ADAMTS12: variants seen among roughly 807,000 people sequenced by gnomAD.
The protein encoded by ADAMTS12 is A disintegrin and metalloproteinase with thrombospondin motifs 12.
In ADAMTS12, 118 loss-of-function variants were observed where a neutral mutation model predicts 167.8. The observed-to-expected ratio is 0.70, with a 90% CI of 0.61 to 0.82. The LOEUF is 0.82. ADAMTS12 is among the 40% of genes least tolerant of loss of function. The pLI, the probability that ADAMTS12 is intolerant of heterozygous loss-of-function variation, is 0.00. For missense variants in ADAMTS12, 1,916 were observed against 1,998.8 expected, an observed-to-expected ratio of 0.96 and a Z score of 0.79; for synonymous variants, 704 against 716.9, an observed-to-expected ratio of 0.98 and a Z score of 0.29.
At chr5:33,565,700 A>G (rs1179625248) in intron 19 of ADAMTS12, among the ~76,000 whole-genome samples, 13 of 138,146 alleles carry the variant, frequency 9.4e-5, no homozygotes, top group Non-Finnish European at 1.8e-4. Flanking sequence ...TTGGTGAGCT[A>G]TAATGTGTTC....
At position 33,576,720 on chromosome 5, in the gene ADAMTS12, A is replaced by T; in HGVS notation, c.3306T>A (p.Ser1102Arg). 1 of 1,614,174 alleles carries T rather than the reference A, an allele frequency of 6.2e-7. No individual in the cohort carries two copies. ...LTSQSLSIQP[S>R]EENVSSSDTG... ...TATCTGAACTGGAAACATTTTCCTC[A>T]CTTGGCTGAATGCTCAAGGATTGGG... Residue 1102 changes from serine to arginine, a missense_variant, in exon 19 of 24, where the codon AGT becomes AGA. Physicochemically the swap from Ser to Arg is moderately radical, Grantham distance 110 (BLOSUM62 -1). Transcript: ENST00000504830.
At chr5:33,629,695 A>AC (rs1739831538) in intron 13 of ADAMTS12, among the ~76,000 whole-genome samples, 1 of 152,150 alleles carries the variant, frequency 6.6e-6, no homozygotes, top group East Asian at 1.9e-4. Flanking sequence ...GATTGGCGTC[A>AC]CCCTTGTTAT....
At chr5:33,850,381 G>T (rs1313534223) in intron 2 of ADAMTS12, among the ~76,000 whole-genome samples, 1 of 152,202 alleles carries the variant, frequency 6.6e-6, no homozygotes, top group Admixed American at 6.5e-5. Context: ...TCACAAGAGA[G>T]TTCTTGGTGT....
At chr5:33,834,212 T>C (rs908224723) in intron 2 of ADAMTS12, among the ~76,000 whole-genome samples, 1 of 151,478 alleles carries the variant, frequency 6.6e-6, no homozygotes, top group Admixed American at 6.6e-5. Context: ...CCTATCTTCA[T>C]ATATGGTTCT....
chr5:33,597,210 G>C (rs12188381), intron 16 of ADAMTS12, among the ~76,000 whole-genome samples: 28,842 of 152,142 alleles, frequency 0.19, 3,179 homozygotes, highest in East Asian at 0.32. Flanking sequence ...ATGTAGAGGA[G>C]TGGCCAGACT....
intron 3 of ADAMTS12, among the ~76,000 whole-genome samples, chr5:33,735,289 T>A (rs1219898024): frequency 6.6e-6 from 1 of 152,198 alleles, no homozygotes; most frequent in African/African-American, 2.4e-5. Flanking sequence ...CCTGTAGATT[T>A]GCATTTCTTA....
At chr5:33,527,488 T>C in intron 23 of ADAMTS12, 122 bp from the exon 24 acceptor site, 1 of 910,406 alleles carries the variant, frequency 1.1e-6, no homozygotes. Flanking sequence ...TAACAATTCA[T>C]AATAGGTGGT....
intron 16 of ADAMTS12, among the ~76,000 whole-genome samples, chr5:33,607,577 T>C (rs1226459714): frequency 2.0e-5 from 3 of 152,224 alleles, no homozygotes; most frequent in Non-Finnish European, 2.9e-5. Context: ...AGTAATAGCA[T>C]TGAATCTGTA....
chr5:33,837,443 C>T (rs1445134891), intron 2 of ADAMTS12, among the ~76,000 whole-genome samples: 2 of 152,198 alleles, frequency 1.3e-5, no homozygotes, highest in East Asian at 3.9e-4. Flanking sequence ...CTCATAAGCA[C>T]TTTGCTTGCC....
intron 17 of ADAMTS12, among the ~76,000 whole-genome samples, chr5:33,590,866 A>C (rs1287837117): frequency 1.3e-5 from 2 of 151,082 alleles, no homozygotes; most frequent in Non-Finnish European, 2.9e-5. Flanking sequence ...TCTTAGTCTC[A>C]CAAGATTAAA....
intron 7 of ADAMTS12, among the ~76,000 whole-genome samples, chr5:33,655,993 T>G (rs1161769819): frequency 1.3e-5 from 2 of 152,168 alleles, no homozygotes; most frequent in Non-Finnish European, 2.9e-5. Context: ...CTGCCTTCAG[T>G]GTTCTTTAAT....
In ADAMTS12 at chr5:33,526,582, CCA is replaced by C. The variant is rs1743821120; in HGVS notation, c.*604_*605del. The C allele has an allele frequency of 6.6e-6, 1 of 152,278 alleles. No individual in the cohort carries two copies. Among genetic ancestry groups the C allele is most frequent in the African/African-American group, 2.4e-5 (1 of 41,412 alleles). 9.4% of individuals were successfully genotyped at this position (152,278 alleles called of 1,614,324 possible). A position where few individuals can be genotyped will look rare whatever the true frequency, so the allele number is the denominator to read the frequency against. On this transcript the variant is annotated 3_prime_UTR_variant, in exon 24 of 24. Coordinates refer to ENST00000504830, the MANE Select transcript of ADAMTS12 (RefSeq NM_030955.4). ...AGGTTGGCAGGAGACTCTAAGCAGC[CCA>C]GATATGGAGCCCTACAGGGATGGAG...
chr5:33,779,414 G>C (rs1418826471), intron 2 of ADAMTS12, among the ~76,000 whole-genome samples: 2 of 152,094 alleles, frequency 1.3e-5, no homozygotes, highest in Admixed American at 1.3e-4. Context: ...TTGAACTCCT[G>C]ACCTCAAGTG....
At chr5:33,778,330 A>AAACAAATTTGTTT (rs1181563391) in intron 2 of ADAMTS12, among the ~76,000 whole-genome samples, 1 of 152,168 alleles carries the variant, frequency 6.6e-6, no homozygotes, top group Non-Finnish European at 1.5e-5. Flanking sequence ...GGACACAAGG[A>AAACAAATTTGTTT]CTAATGAAAC....
intron 3 of ADAMTS12, among the ~76,000 whole-genome samples, chr5:33,684,438 G>C (rs896325253): frequency 6.6e-6 from 1 of 152,088 alleles, no homozygotes; most frequent in Non-Finnish European, 1.5e-5. Flanking sequence ...GAATGACAGA[G>C]GTACATATTC....
intron 7 of ADAMTS12, 86 bp downstream of exon 7, chr5:33,658,098 A>G (rs958178843): frequency 9.2e-6 from 14 of 1,529,142 alleles, no homozygotes; most frequent in African/African-American, 4.1e-5. Flanking sequence ...CTGACCCCCA[A>G]TTTGAGGTGT....
intron 22 of ADAMTS12, among the ~76,000 whole-genome samples, chr5:33,543,418 G>A (rs188256835): frequency 4.6e-5 from 7 of 152,178 alleles, no homozygotes; most frequent in Admixed American, 1.3e-4. Context: ...ATTCACACGC[G>A]AATTCTACCA....
Position 33,546,278 on chromosome 5 carries a change from T to A in ADAMTS12, c.4303-76A>T. Reference sequence around the variant, plus strand: ...TAATGATAAGTGAAGAACTTCGTACTGTCATTTTTGTTATGTACAGTGTTA... The same window carrying A: ...TAATGATAAGTGAAGAACTTCGTACAGTCATTTTTGTTATGTACAGTGTTA... On this transcript the variant is annotated intron_variant, in intron 21 of 23. Coordinates refer to ENST00000504830, the MANE Select transcript of ADAMTS12 (RefSeq NM_030955.4). 2.1e-6 allele frequency: 3 copies of A among 1,399,218 alleles called. No homozygotes were observed. The South Asian group carries it at 4.8e-5, about 22-fold the overall frequency. 86.7% of individuals were successfully genotyped at this position (1,399,218 alleles called of 1,614,324 possible). A position where few individuals can be genotyped will look rare whatever the true frequency, so the allele number is the denominator to read the frequency against.
rs191475898 is a variant in ADAMTS12 at position 33,667,111 on chromosome 5, C to T, written c.916-5071G>A. Among the ~76,000 whole-genome samples the T allele has an allele frequency of 2.4e-4, 36 of 152,192 alleles. No individual in the cohort carries two copies. In the East Asian group the frequency reaches 4.1e-3, roughly 17 times the overall value. ...TCAAGTGGTAAAGCCACAAATAGCA[C>T]ATAAAACTTAAAGAGTTTTCACTTA... is the stretch of plus-strand genomic sequence containing the variant. On this transcript the variant is annotated intron_variant, in intron 5 of 23. Coordinates refer to ENST00000504830, the MANE Select transcript of ADAMTS12 (RefSeq NM_030955.4).
Sources: allele counts gnomAD v4.1 joint callset (sites outside exome capture counted in the v4.1 genomes callset), GRCh38; gene constraint gnomAD v4.1.1; transcripts MANE v1.5; gene names NCBI Gene and HGNC (gene_info 2026-07-23, HGNC 2026-07-21).